HSDL2: variants seen among roughly 807,000 people sequenced by gnomAD.
The protein encoded by HSDL2 is hydroxysteroid dehydrogenase like 2.
Under a neutral mutation model 46.3 loss-of-function variants are expected in HSDL2, and 27 were observed. That is an observed-to-expected ratio of 0.58 (90% CI 0.43 to 0.80). HSDL2 has a LOEUF of 0.80. HSDL2 is among the 30% of genes least tolerant of loss of function. The pLI is 0.00. For missense variants in HSDL2, 451 were observed against 502.7 expected (o/e 0.90, Z 0.98); for synonymous variants, 153 against 163.6 (o/e 0.94, Z 0.50).
Position 112,438,632 on chromosome 9 carries a change from C to G in HSDL2, c.793+7C>G, listed in dbSNP as rs1191847327. The G allele has an allele frequency of 1.3e-6, 2 of 1,484,012 alleles. No homozygotes were observed. The highest frequency in any genetic ancestry group is 2.5e-5 in the South Asian group (2 of 81,102). The allele number at this position is 1,484,012 out of a possible 1,614,324, so 91.9% of individuals were successfully genotyped here. ...GTTTATGCAATTAAACCAGGTAATG[C>G]TTTTATAGTTTTTAAAAGTAGTGAT... On this transcript the variant is annotated splice_region_variant and intron_variant, in intron 7 of 10. Transcript: ENST00000398805.
intron 4 of HSDL2, among the ~76,000 whole-genome samples, chr9:112,409,808 A>G (rs892865362): frequency 6.6e-6 from 1 of 151,942 alleles, no homozygotes; most frequent in South Asian, 2.1e-4. Flanking sequence ...AGCTGTGATC[A>G]TGCCACTGCA....
At chr9:112,433,798 C>T (rs571963620) in intron 6 of HSDL2, 1 of 152,342 alleles carries the variant, frequency 6.6e-6, no homozygotes, top group South Asian at 2.1e-4. Flanking sequence ...GAAGTAATCT[C>T]CCAACATTAT....
At chr9:112,465,737 T>C (rs1833356538) in intron 10 of HSDL2, among the ~76,000 whole-genome samples, 1 of 152,264 alleles carries the variant, frequency 6.6e-6, no homozygotes, top group Non-Finnish European at 1.5e-5. Flanking sequence ...CAGCACCTCA[T>C]TTCTTTTTCT....
intron 1 of HSDL2, among the ~76,000 whole-genome samples, chr9:112,403,670 C>T (rs137914302): frequency 2.0e-4 from 30 of 152,022 alleles, no homozygotes; most frequent in Middle Eastern, 3.4e-3. Flanking sequence ...TTTATTAACA[C>T]GTTTTCTGTG....
chr9:112,380,247 C>T (rs1374900542), intron 1 of HSDL2, 67 bp downstream of exon 1: 8 of 1,470,000 alleles, frequency 5.4e-6, no homozygotes, highest in Non-Finnish European at 6.4e-6. Context: ...GTGGGGCCGC[C>T]GCGGATCGCC....
chr9:112,393,975 C>T (rs1049429382), intron 1 of HSDL2, among the ~76,000 whole-genome samples: 4 of 152,152 alleles, frequency 2.6e-5, no homozygotes, highest in African/African-American at 9.7e-5. Context: ...AGAGGAGCAG[C>T]GTGGCAATGC....
chr9:112,396,483 C>A (rs973884292), intron 1 of HSDL2, among the ~76,000 whole-genome samples: 1 of 152,164 alleles, frequency 6.6e-6, no homozygotes, highest in Admixed American at 6.5e-5. Flanking sequence ...CCCAGGGCCC[C>A]GTGTCTTATC....
intron 6 of HSDL2, among the ~76,000 whole-genome samples, chr9:112,433,511 G>A (rs898040883): frequency 1.3e-5 from 2 of 152,156 alleles, no homozygotes; most frequent in South Asian, 2.1e-4. Flanking sequence ...GGGAAAATAG[G>A]AGCAGTGAAG....
intron 1 of HSDL2, among the ~76,000 whole-genome samples, chr9:112,386,910 T>C (rs1239128428): frequency 2.0e-5 from 3 of 152,208 alleles, no homozygotes; most frequent in African/African-American, 7.2e-5. Context: ...ATGTATATTC[T>C]TCAGCAAATA....
intron 4 of HSDL2, among the ~76,000 whole-genome samples, chr9:112,413,442 A>C (rs1222894798): frequency 2.0e-5 from 3 of 152,022 alleles, no homozygotes; most frequent in Non-Finnish European, 4.4e-5. Flanking sequence ...ACGCCATTGC[A>C]CTCCAAGAGT....
intron 1 of HSDL2, among the ~76,000 whole-genome samples, chr9:112,387,735 A>G (rs946731709): frequency 2.7e-4 from 41 of 152,226 alleles, no homozygotes; most frequent in Admixed American, 2.6e-3. Context: ...AAAAATTGAC[A>G]TTATAAAGTG....
At chr9:112,380,980 C>A (rs551259963) in intron 1 of HSDL2, among the ~76,000 whole-genome samples, 1 of 152,192 alleles carries the variant, frequency 6.6e-6, no homozygotes, top group South Asian at 2.1e-4. Context: ...TAAAACAGTT[C>A]AAAGAGTATA....
chr9:112,459,600 T>C (rs1173318633), intron 10 of HSDL2, 23 bp downstream of exon 10: 1 of 1,604,870 alleles, frequency 6.2e-7, no homozygotes, highest in African/African-American at 1.3e-5. Context: ...GTTTATTAGT[T>C]TACCTTATTG....
At chr9:112,394,434 C>G (rs1021467604) in intron 1 of HSDL2, among the ~76,000 whole-genome samples, 1 of 152,220 alleles carries the variant, frequency 6.6e-6, no homozygotes, top group African/African-American at 2.4e-5. Context: ...CAGACATCCT[C>G]TTCCGCCAGA....
chr9:112,453,462 G>A (rs990597386), intron 8 of HSDL2, among the ~76,000 whole-genome samples: 21 of 151,994 alleles, frequency 1.4e-4, no homozygotes, highest in Non-Finnish European at 2.2e-4. Flanking sequence ...GCGTGATCTC[G>A]GCTCACTGCA....
In HSDL2 at chr9:112,471,320, G is replaced by A. The variant is rs1021558253; in HGVS notation, c.*776G>A. ...GTCCTAACTCCCATTTCTTTTGAATGTGACTGTTCGGAGATGAGGCCTTTA... is the reference window on the plus strand; with the variant it reads ...GTCCTAACTCCCATTTCTTTTGAATATGACTGTTCGGAGATGAGGCCTTTA... On this transcript the variant is annotated 3_prime_UTR_variant, in exon 11 of 11. Coordinates refer to ENST00000398805, the MANE Select transcript of HSDL2 (RefSeq NM_032303.5). The A allele has an allele frequency of 6.6e-5, 10 of 152,300 alleles. No homozygotes were observed. The South Asian group carries it at 1.7e-3, about 25-fold the overall frequency. 9.4% of individuals were successfully genotyped at this position (152,300 alleles called of 1,614,324 possible).
chr9:112,392,865 G>A (rs1831378106), intron 1 of HSDL2, among the ~76,000 whole-genome samples: 1 of 152,154 alleles, frequency 6.6e-6, no homozygotes, highest in South Asian at 2.1e-4. Context: ...AGTAAAGACA[G>A]GCATAAGAAA....
At chr9:112,462,354 C>T (rs1833235340) in intron 10 of HSDL2, among the ~76,000 whole-genome samples, 1 of 151,976 alleles carries the variant, frequency 6.6e-6, no homozygotes, top group African/African-American at 2.4e-5. Flanking sequence ...ATTCCAGCTC[C>T]TCAGGAGGCT....
intron 9 of HSDL2, 55 bp from the exon 10 acceptor site, chr9:112,459,394 A>G (rs1833134457): frequency 1.9e-6 from 3 of 1,563,168 alleles, no homozygotes; most frequent in African/African-American, 1.4e-5. Context: ...TAATTATTAA[A>G]TTTAAGAAGA....
Sources: allele counts gnomAD v4.1 joint callset (sites outside exome capture counted in the v4.1 genomes callset), GRCh38; gene constraint gnomAD v4.1.1; transcripts MANE v1.5; gene names NCBI Gene and HGNC (gene_info 2026-07-23, HGNC 2026-07-21).